Variants in AQP1 observed in about 807,000 individuals in gnomAD.
AQP1 encodes aquaporin-1.
AQP1 carries 11 observed loss-of-function variants against 19.7 expected under a neutral mutation model. The observed-to-expected ratio is 0.56, with a 90% CI of 0.35 to 0.92. The LOEUF (loss-of-function observed/expected upper bound fraction) is 0.92, where lower values mean the gene tolerates loss of function less well. Among genes scored for constraint, AQP1 ranks in the 40% least tolerant of loss-of-function variants. The pLI is 0.01. For missense variants in AQP1, 320 were observed against 369.7 expected, an observed-to-expected ratio of 0.87 and a Z score of 1.10; for synonymous variants, 159 against 166.7, an observed-to-expected ratio of 0.95 and a Z score of 0.36.
chr7:30,914,998 A>C (rs1000609579), intron 1 of AQP1, among the ~76,000 whole-genome samples: 2 of 152,138 alleles, frequency 1.3e-5, no homozygotes, highest in African/African-American at 4.8e-5. Flanking sequence ...GGACACTCTC[A>C]CCTGTCCCTG....
At chr7:30,917,340 G>C (rs1373468885) in intron 1 of AQP1, among the ~76,000 whole-genome samples, 1 of 152,012 alleles carries the variant, frequency 6.6e-6, no homozygotes, top group Non-Finnish European at 1.5e-5. Context: ...ATTCCTCAAT[G>C]GAGCCTTTTC....
rs775527153 is a variant in AQP1, at chr7:30,922,646, T to C, written c.630+2T>C. 4 of 1,613,782 alleles carry C rather than the reference T, an allele frequency of 2.5e-6. No individual in the cohort carries two copies. The highest frequency in any genetic ancestry group is 3.4e-6 in the Non-Finnish European group (4 of 1,179,746). On this transcript the variant is annotated splice_donor_variant, in intron 3 of 3. Transcript: ENST00000311813. LOFTEE classifies it high-confidence loss of function. ...ACACACAACTTCAGCAACCACTGGG[T>C]AGGAGACCCACGGGGGGTGGGGTGG...
chr7:30,915,323 T>A (rs918799157), intron 1 of AQP1, among the ~76,000 whole-genome samples: 1 of 151,448 alleles, frequency 6.6e-6, no homozygotes, highest in Non-Finnish European at 1.5e-5. Context: ...GCCTGTGATA[T>A]GAAGCAGGAG....
intron 1 of AQP1, chr7:30,921,642 C>A (rs1018430650): frequency 6.4e-7 from 1 of 1,550,702 alleles, no homozygotes; most frequent in African/African-American, 1.4e-5. Context: ...GCCGTGTCCC[C>A]TGCTGGGCCT....
chr7:30,924,167 C>T lies in AQP1; in HGVS notation c.*538C>T. On this transcript the variant is annotated 3_prime_UTR_variant, in exon 4 of 4. Transcript: ENST00000311813. ...CTCCCAAGCCCCTGACCCGCTCGGACTTACTGCCTGACCTTGGAATCGTCC... is the reference window on the plus strand; with the variant it reads ...CTCCCAAGCCCCTGACCCGCTCGGATTTACTGCCTGACCTTGGAATCGTCC... 1.7e-6 allele frequency: 2 copies of T among 1,153,480 alleles called. No individual in the cohort carries two copies. The highest frequency in any genetic ancestry group is 2.2e-6 in the Non-Finnish European group (2 of 918,132). The allele number at this position is 1,153,480 out of a possible 1,614,324, so 71.5% of individuals were successfully genotyped here.
chr7:30,920,295 G>C (rs948983481), intron 1 of AQP1, among the ~76,000 whole-genome samples: 8 of 152,142 alleles, frequency 5.3e-5, no homozygotes, highest in Admixed American at 5.2e-4. Context: ...AAGGAGCCAC[G>C]AGCTTCCTGA....
intron 1 of AQP1, among the ~76,000 whole-genome samples, chr7:30,914,723 C>A (rs1791266961): frequency 6.6e-6 from 1 of 150,766 alleles, no homozygotes; most frequent in African/African-American, 2.4e-5. Flanking sequence ...GGCCCTGAGC[C>A]CCAGCCCAGT....
At chr7:30,921,898 C>T (rs1293780845) in intron 1 of AQP1, 168 bp from the exon 2 acceptor site, 1 of 1,526,502 alleles carries the variant, frequency 6.6e-7, no homozygotes, top group South Asian at 1.2e-5. Context: ...GCCTGATTTC[C>T]ACTACCTGCC....
chr7:30,921,101 G>A (rs1275386776), intron 1 of AQP1, among the ~76,000 whole-genome samples: 1 of 152,196 alleles, frequency 6.6e-6, no homozygotes, highest in Admixed American at 6.5e-5. Flanking sequence ...GCCTCAAGTG[G>A]GCATCTTTGC....
rs1219898649 is a variant in AQP1 at position 30,911,945 on chromosome 7, G to C, written c.36G>C (p.Arg12Ser). Residue 12 changes from arginine (R) to serine (S), a missense_variant, in exon 1 of 4, where the codon AGG becomes AGC. Transcript: ENST00000311813. The stretch of plus-strand genomic sequence containing the variant: ...AGTTCAAGAAGAAGCTCTTCTGGAG[G>C]GCAGTGGTGGCCGAGTTCCTGGCCA... ...ASEFKKKLFW[R>S]AVVAEFLATT... 6.2e-7 allele frequency: 1 copy of C among 1,613,452 alleles called. No individual in the cohort carries two copies. The highest frequency in any genetic ancestry group is 2.2e-5 in the East Asian group (1 of 44,864).
intron 1 of AQP1, chr7:30,921,200 G>C (rs1289891281): frequency 1.0e-6 from 1 of 978,068 alleles, no homozygotes; most frequent in East Asian, 6.7e-5. Flanking sequence ...AAGGTGCTGG[G>C]GCTTCCTGGG....
At position 30,923,427 on chromosome 7, in the gene AQP1, G is replaced by A. The variant is rs1355364436; in HGVS notation, c.631-23G>A. The stretch of plus-strand genomic sequence containing the variant: ...CAGGGGCTTTTGAGTGGAGCCCTCT[G>A]AACACACCTGCTCTGTTCCTAGATT... On this transcript the variant is annotated intron_variant, in intron 3 of 3. Coordinates refer to ENST00000311813, the MANE Select transcript of AQP1 (RefSeq NM_198098.4). This position sits in a 1 kb window ranked among gnomAD's most constrained non-coding sequence, Gnocchi z 4.8. 6.2e-7 allele frequency: 1 copy of A among 1,613,526 alleles called. No individual in the cohort carries two copies. The highest frequency in any genetic ancestry group is 1.1e-5 in the South Asian group (1 of 90,994).
chr7:30,921,511 A>G, intron 1 of AQP1: 1 of 1,504,292 alleles, frequency 6.6e-7, no homozygotes, highest in Non-Finnish European at 8.9e-7. Context: ...GACAATAGGG[A>G]GGCAGGCACA....
chr7:30,917,711 T>C (rs1043904788), intron 1 of AQP1, among the ~76,000 whole-genome samples: 3 of 152,220 alleles, frequency 2.0e-5, no homozygotes, highest in Admixed American at 6.5e-5. Flanking sequence ...CATCAGTTGA[T>C]GAAAAAGAGT....
intron 1 of AQP1, among the ~76,000 whole-genome samples, chr7:30,921,143 C>T (rs759283160): frequency 4.6e-5 from 7 of 152,192 alleles, no homozygotes; most frequent in Non-Finnish European, 7.3e-5. Flanking sequence ...GTCCATCTCC[C>T]CTGTGTGAGT....
intron 1 of AQP1, among the ~76,000 whole-genome samples, chr7:30,917,239 G>C (rs542971407): frequency 6.6e-6 from 1 of 152,180 alleles, no homozygotes; most frequent in Non-Finnish European, 1.5e-5. Flanking sequence ...GTGCTCTTAC[G>C]TGGAGGACAC....
intron 2 of AQP1, 109 bp downstream of exon 2, chr7:30,922,339 G>T: frequency 6.8e-7 from 1 of 1,465,994 alleles, no homozygotes; most frequent in Middle Eastern, 2.3e-4. Flanking sequence ...CTTGCCATTG[G>T]GTGGAGGATG....
chr7:30,924,315 G>A lies in AQP1; in HGVS notation c.*686G>A. 1 of 204,060 alleles carries A rather than the reference G, an allele frequency of 4.9e-6. No homozygotes were observed. The highest frequency in any genetic ancestry group is 2.3e-5 in the African/African-American group (1 of 43,844). The allele number at this position is 204,060 out of a possible 1,614,324, so 12.6% of individuals were successfully genotyped here. ...AGAAGACGTGGTCTAGACCAGGGCT[G>A]CTCTTTCCACTTGCCCTGTGTTCTT... On this transcript the variant is annotated 3_prime_UTR_variant, in exon 4 of 4. Coordinates refer to ENST00000311813, the MANE Select transcript of AQP1 (RefSeq NM_198098.4).
In AQP1 at chr7:30,923,105, T is replaced by TTGTGGA. The variant is rs1437551198; in HGVS notation, c.631-334_631-329dup. 1.3e-5 allele frequency among the ~76,000 whole-genome samples: 2 copies of TTGTGGA among 152,120 alleles called. No individual in the cohort carries two copies. Among genetic ancestry groups the TTGTGGA allele is most frequent in the Non-Finnish European group, 2.9e-5 (2 of 68,026 alleles). ...GCTCAGTGGATTTTAGCTCTTATGG[T>TTGTGGA]TGTGGATGTGGATGTGCTAGGCCAG... On this transcript the variant is annotated intron_variant, in intron 3 of 3. Transcript: ENST00000311813. This position sits in a 1 kb window ranked among gnomAD's most constrained non-coding sequence, Gnocchi z 4.8.
Sources: allele counts gnomAD v4.1 joint callset (sites outside exome capture counted in the v4.1 genomes callset), GRCh38; gene constraint gnomAD v4.1.1; non-coding constraint Gnocchi (gnomAD v3.1); transcripts MANE v1.5; gene names NCBI Gene and HGNC (gene_info 2026-07-23, HGNC 2026-07-21).